TANC2: variants seen among roughly 807,000 people sequenced by gnomAD.
The protein encoded by TANC2 is tetratricopeptide repeat, ankyrin repeat and coiled-coil containing 2.
In TANC2, 26 loss-of-function variants were observed where a neutral mutation model predicts 210.5. The ratio of observed to expected loss-of-function variants is 0.12; its 90% CI spans 0.09 to 0.17. The LOEUF (loss-of-function observed/expected upper bound fraction) is 0.17. Ranked by LOEUF, TANC2 falls within the 10% of genes least tolerant of loss-of-function variation. TANC2 has a pLI of 1.00. For synonymous variants in TANC2, 931 were observed against 967.1 expected, an observed-to-expected ratio of 0.96 and a Z score of 0.69; for missense variants, 2,129 against 2,608.9, an observed-to-expected ratio of 0.82 and a Z score of 4.01.
chr17:63,095,918 G>A (rs1396664911), intron 3 of TANC2, among the ~76,000 whole-genome samples: 1 of 152,156 alleles, frequency 6.6e-6, no homozygotes, highest in Non-Finnish European at 1.5e-5. Context: ...ACTAATTGCA[G>A]TATTATTCCT....
intron 19 of TANC2, among the ~76,000 whole-genome samples, chr17:63,403,901 A>C (rs911145429): frequency 2.0e-5 from 3 of 152,242 alleles, no homozygotes; most frequent in African/African-American, 7.2e-5. Context: ...GGCCAAGTCC[A>C]GAGACAAAAT....
chr17:63,261,528 T>C (rs1346720364), intron 8 of TANC2, among the ~76,000 whole-genome samples: 1 of 152,202 alleles, frequency 6.6e-6, no homozygotes, highest in Non-Finnish European at 1.5e-5. Context: ...AACAAGGCAC[T>C]GGTCACCCAG....
intron 9 of TANC2, among the ~76,000 whole-genome samples, chr17:63,306,863 A>G (rs1488429490): frequency 1.3e-5 from 2 of 152,144 alleles, no homozygotes; most frequent in Non-Finnish European, 2.9e-5. Context: ...CTAAGGCAGG[A>G]GGATTGCTTG....
At chr17:63,286,706 C>T (rs573866784) in intron 9 of TANC2, among the ~76,000 whole-genome samples, 1 of 152,296 alleles carries the variant, frequency 6.6e-6, no homozygotes, top group African/African-American at 2.4e-5. Flanking sequence ...CTTTCCCCCA[C>T]CTTCAGAGAC....
exon 28 of TANC2, chr17:63,423,397 A>G (rs997305415): frequency 6.6e-6 from 1 of 152,244 alleles, no homozygotes; most frequent in African/African-American, 2.4e-5. Flanking sequence ...TATTGAGTGG[A>G]TAGCAAGAAC....
Position 63,412,092 on chromosome 17 carries a change from C to A in TANC2, c.3860C>A (p.Ser1287Tyr). ...AGGGCAGTGGGGTGCCGGAACACTTCTGTTGTTGTCACTCTTCTGAAGAAA... is the reference window on the plus strand; with the variant it reads ...AGGGCAGTGGGGTGCCGGAACACTTATGTTGTTGTCACTCTTCTGAAGAAA... Residue 1287 changes from serine to tyrosine, a missense_variant, in exon 23 of 28, where the codon TCT becomes TAT. Physicochemically the swap from Ser to Tyr is moderately radical, Grantham distance 144. Transcript: ENST00000689528. The surrounding 1 kb of genome is among the most constrained non-coding windows in gnomAD (Gnocchi z 4.2). 6.2e-7 allele frequency: 1 copy of A among 1,613,952 alleles called. No homozygotes were observed. Among genetic ancestry groups the A allele is most frequent in the Non-Finnish European group, 8.5e-7 (1 of 1,179,876 alleles).
chr17:63,063,555 T>TA (rs1288019556), intron 2 of TANC2, among the ~76,000 whole-genome samples: 11 of 104,432 alleles, frequency 1.1e-4, no homozygotes, highest in African/African-American at 6.4e-4. Context: ...TGTGTGTGTG[T>TA]GTGTGTGTGT....
intron 8 of TANC2, among the ~76,000 whole-genome samples, chr17:63,242,887 A>G (rs925190216): frequency 1.3e-5 from 2 of 152,212 alleles, no homozygotes; most frequent in African/African-American, 4.8e-5. Flanking sequence ...TTAAAAAAAT[A>G]TATGCTATAT....
At chr17:63,151,979 G>C (rs1321923509) in intron 5 of TANC2, 3 of 152,128 alleles carry the variant, frequency 2.0e-5, no homozygotes, top group Non-Finnish European at 4.4e-5. Flanking sequence ...AACCCTTCTT[G>C]TGTGGGAGCC....
chr17:63,138,656 T>G (rs904005035), intron 4 of TANC2, among the ~76,000 whole-genome samples: 2 of 152,188 alleles, frequency 1.3e-5, no homozygotes, highest in African/African-American at 4.8e-5. Flanking sequence ...TCTTTCTTAA[T>G]GATCAGAAAC....
chr17:63,059,077 G>A (rs537270624), intron 2 of TANC2, among the ~76,000 whole-genome samples: 1 of 151,964 alleles, frequency 6.6e-6, no homozygotes, highest in East Asian at 1.9e-4. Flanking sequence ...ATGAGCCCGG[G>A]GTGTTTTTCC....
intron 9 of TANC2, among the ~76,000 whole-genome samples, chr17:63,301,660 C>T (rs1227394162): frequency 1.3e-5 from 2 of 151,596 alleles, no homozygotes; most frequent in African/African-American, 4.9e-5. Flanking sequence ...CTATTTGATT[C>T]TTCTCTCTTT....
In TANC2 at chr17:63,237,746, A is replaced by T. The variant is rs188565316; in HGVS notation, c.770-68A>T. 55 of 1,431,678 alleles carry T rather than the reference A, an allele frequency of 3.8e-5. 1 individual carries two copies. The Admixed American group carries it at 1.1e-3, about 29-fold the overall frequency. The allele number at this position is 1,431,678 out of a possible 1,614,324, so 88.7% of individuals were successfully genotyped here. Reference sequence around the variant, plus strand: ...CTTTCCCCAATGTGTGTTTTTATCAACTTTGTCAAAGATTAATAACTGTAT... The same window carrying T: ...CTTTCCCCAATGTGTGTTTTTATCATCTTTGTCAAAGATTAATAACTGTAT... On this transcript the variant is annotated intron_variant, in intron 7 of 27. Transcript: ENST00000689528.
chr17:63,284,330 A>G lies in TANC2; in HGVS notation c.1159+16457A>G, dbSNP rs370620245. 2.8e-4 allele frequency among the ~76,000 whole-genome samples: 43 copies of G among 152,058 alleles called. No individual in the cohort carries two copies. In the East Asian group the frequency reaches 6.6e-3, roughly 23 times the overall value. ...ACTTTTTAATATATTGATGGATTCA[A>G]TTTGCTGCAATTTTGTATTTACTGT... On this transcript the variant is annotated intron_variant, in intron 9 of 27. Coordinates refer to ENST00000689528, the Ensembl canonical transcript of TANC2.
chr17:63,357,411 T>C (rs1235584365), intron 14 of TANC2, among the ~76,000 whole-genome samples: 1 of 152,226 alleles, frequency 6.6e-6, no homozygotes, highest in Admixed American at 6.5e-5. Flanking sequence ...ACTAGGAGTT[T>C]TGCAGCAACC....
At chr17:62,974,781 G>C (rs900536988) in intron 1 of TANC2, among the ~76,000 whole-genome samples, 4 of 152,144 alleles carry the variant, frequency 2.6e-5, no homozygotes, top group Non-Finnish European at 4.4e-5. Context: ...AGATTTTACT[G>C]TTTTCTTTAT....
At chr17:63,005,896 T>TTGTTTG (rs1555750228) in intron 1 of TANC2, among the ~76,000 whole-genome samples, 44 of 132,844 alleles carry the variant, frequency 3.3e-4, no homozygotes, top group East Asian at 2.9e-3. Flanking sequence ...GCTGTATAGT[T>TTGTTTG]TGTGTGTGTG....
intron 8 of TANC2, among the ~76,000 whole-genome samples, chr17:63,260,819 C>T (rs963115662): frequency 1.3e-5 from 2 of 151,916 alleles, no homozygotes; most frequent in African/African-American, 4.8e-5. Context: ...TTATTATCAA[C>T]ATCATGTATA....
chr17:62,991,429 G>A (rs904800340), intron 1 of TANC2, among the ~76,000 whole-genome samples: 15 of 152,036 alleles, frequency 9.9e-5, no homozygotes, highest in Middle Eastern at 3.4e-3. Flanking sequence ...ATGAGGTCAG[G>A]AGATCGAGAC....
Sources: allele counts gnomAD v4.1 joint callset (sites outside exome capture counted in the v4.1 genomes callset), GRCh38; gene constraint gnomAD v4.1.1; non-coding constraint Gnocchi (gnomAD v3.1); transcripts MANE v1.5; gene names NCBI Gene and HGNC (gene_info 2026-07-23, HGNC 2026-07-21).